FCRL4: variants seen among roughly 807,000 people sequenced by gnomAD.
FCRL4 encodes the protein Fc receptor-like protein 4.
FCRL4 carries 43 observed loss-of-function variants against 64.1 expected under a neutral mutation model. The ratio of observed to expected loss-of-function variants is 0.67; its 90% CI spans 0.53 to 0.87. FCRL4 has a LOEUF of 0.87. Ranked by LOEUF, FCRL4 falls within the 40% of genes least tolerant of loss-of-function variation. FCRL4 has a pLI of 0.00. For missense variants in FCRL4, 656 were observed against 613.5 expected (o/e 1.07, Z -0.73); for synonymous variants, 253 against 239.8 (o/e 1.05, Z -0.51).
In FCRL4 at chr1:157,575,401, G is replaced by T. The variant is rs1235746272; in HGVS notation, c.*123C>A. Reference sequence around the variant, plus strand: ...TTCCTGGGAGTGAATGCATATGCATGAGAAGAATTAGAAAGCTGGAATGAG... The same window carrying T: ...TTCCTGGGAGTGAATGCATATGCATTAGAAGAATTAGAAAGCTGGAATGAG... On this transcript the variant is annotated 3_prime_UTR_variant, in exon 12 of 12. Coordinates refer to ENST00000271532, the MANE Select transcript of FCRL4 (RefSeq NM_031282.3). 1.4e-6 allele frequency: 1 copy of T among 716,804 alleles called. No individual in the cohort carries two copies. The highest frequency in any genetic ancestry group is 3.9e-4 in the Middle Eastern group (1 of 2,592). The allele number at this position is 716,804 out of a possible 1,614,324, so 44.4% of individuals were successfully genotyped here.
chr1:157,581,784 G>T, intron 6 of FCRL4, 140 bp from the exon 7 acceptor site: 1 of 641,660 alleles, frequency 1.6e-6, no homozygotes, highest in Non-Finnish European at 2.6e-6. Context: ...TCTTGGGCCA[G>T]GTTTTGGCCA....
Position 157,574,301 on chromosome 1 carries a change from G to A in FCRL4, c.*1223C>T. The stretch of plus-strand genomic sequence containing the variant: ...GTTTTGCTGGTTGCAATCCCATAAT[G>A]TTATTTAAACAAATTCCTTTTCTCC... On this transcript the variant is annotated 3_prime_UTR_variant, in exon 12 of 12. Coordinates refer to ENST00000271532, the MANE Select transcript of FCRL4 (RefSeq NM_031282.3). 1 of 215,600 alleles carries A rather than the reference G, an allele frequency of 4.6e-6. No individual in the cohort carries two copies. 13.4% of individuals were successfully genotyped at this position (215,600 alleles called of 1,614,324 possible). A position where few individuals can be genotyped will look rare whatever the true frequency, so the allele number is the denominator to read the frequency against.
chr1:157,578,938 AAG>A, intron 8 of FCRL4, 86 bp from the exon 9 acceptor site: 2 of 1,137,720 alleles, frequency 1.8e-6, no homozygotes, highest in Non-Finnish European at 2.5e-6. Flanking sequence ...GCAGAGGAGA[AAG>A]AGGATTTGGA....
intron 5 of FCRL4, 127 bp downstream of exon 5, chr1:157,587,149 A>C: frequency 9.8e-7 from 1 of 1,015,686 alleles, no homozygotes; most frequent in Non-Finnish European, 1.5e-6. Flanking sequence ...ATAGTACTGC[A>C]CTTCTTGGCC....
intron 6 of FCRL4, 65 bp from the exon 7 acceptor site, chr1:157,581,709 C>T (rs933944496): frequency 1.1e-4 from 149 of 1,318,724 alleles, no homozygotes; most frequent in Admixed American, 2.1e-4. Flanking sequence ...GCCTTTTCCT[C>T]AGCTTGGTTG....
At position 157,587,054 on chromosome 1, in the gene FCRL4, G is replaced by C. The variant is rs531870015; in HGVS notation, c.847+222C>G. On this transcript the variant is annotated intron_variant, in intron 5 of 11. Transcript: ENST00000271532. ...TCAAACCTAACTCCATGAGTCAGCT[G>C]TGATTCTGAAGTGATAGAATTTCAA... Among the ~76,000 whole-genome samples, 44 of 152,356 alleles carry C rather than the reference G, an allele frequency of 2.9e-4. No individual in the cohort carries two copies. In the South Asian group the frequency reaches 8.9e-3, roughly 31 times the overall value.
intron 6 of FCRL4, among the ~76,000 whole-genome samples, chr1:157,585,285 C>T (rs1301169860): frequency 6.7e-6 from 1 of 149,510 alleles, no homozygotes; most frequent in Non-Finnish European, 1.5e-5. Flanking sequence ...CCTTCCTTTC[C>T]CTCTTTCTTT....
At chr1:157,579,464 C>T (rs1652498738) in intron 8 of FCRL4, among the ~76,000 whole-genome samples, 1 of 152,152 alleles carries the variant, frequency 6.6e-6, no homozygotes, top group African/African-American at 2.4e-5. Context: ...CACCTGTAAT[C>T]CCAGCACTTT....
intron 6 of FCRL4, 145 bp from the exon 7 acceptor site, chr1:157,581,789 T>G (rs1652568198): frequency 5.9e-4 from 370 of 626,928 alleles, no homozygotes; most frequent in East Asian, 9.8e-4. Flanking sequence ...GGCCAGGTTT[T>G]GGCCAGAAAA....
chr1:157,586,486 C>T (rs776855574), intron 5 of FCRL4, 31 bp from the exon 6 acceptor site: 26 of 1,577,740 alleles, frequency 1.6e-5, no homozygotes, highest in Admixed American at 1.2e-4. Flanking sequence ...AGGTGGGGGT[C>T]GGGTGTGAAG....
In FCRL4 at chr1:157,581,589, G is replaced by A; in HGVS notation, c.1191C>T (p.Leu397=). Residue 397 remains leucine (L), a synonymous_variant, in exon 7 of 12, where the codon CTC becomes CTT. Transcript: ENST00000271532. ...LVAAGATGGL[L]SALLLAVALL... Reference sequence around the variant, plus strand: ...GGGCCACAGCCAGGAGAAGAGCACTGAGCAGCCCTCCAGTGGCTCCCGCGG... The same window carrying A: ...GGGCCACAGCCAGGAGAAGAGCACTAAGCAGCCCTCCAGTGGCTCCCGCGG... 2 of 1,614,130 alleles carry A rather than the reference G, an allele frequency of 1.2e-6. No individual in the cohort carries two copies. Among genetic ancestry groups the A allele is most frequent in the East Asian group, 2.2e-5 (1 of 44,886 alleles).
chr1:157,587,428 T>C lies in FCRL4; in HGVS notation c.695A>G (p.Asp232Gly). 1 of 1,614,196 alleles carries C rather than the reference T, an allele frequency of 6.2e-7. No individual in the cohort carries two copies. Among genetic ancestry groups the C allele is most frequent in the South Asian group, 1.1e-5 (1 of 91,078 alleles). ...CCAGTCTGACAGGATGACCTCGCCA[T>C]CTCTGAAGAAGTTGAAGTGAAGTGG... is the stretch of plus-strand genomic sequence containing the variant. The part of the protein sequence containing the change: ...DTPLHFNFFR[D>G]GEVILSDWST... The change falls in exon 5 of 12, where the codon GAT becomes GGT. Residue 232 changes from aspartate to glycine, a missense_variant. Physicochemically the swap from Asp to Gly is moderately conservative, Grantham distance 94 (BLOSUM62 -1). Transcript: ENST00000271532.
intron 6 of FCRL4, among the ~76,000 whole-genome samples, chr1:157,584,711 A>G (rs1652635012): frequency 6.6e-6 from 1 of 152,062 alleles, no homozygotes; most frequent in African/African-American, 2.4e-5. Context: ...ACTTGCCTCA[A>G]GGGAGTTGAA....
chr1:157,578,753 T>C lies in FCRL4; in HGVS notation c.1360+17A>G, dbSNP rs750596872. 1 of 1,612,354 alleles carries C rather than the reference T, an allele frequency of 6.2e-7. No homozygotes were observed. The highest frequency in any genetic ancestry group is 1.1e-5 in the South Asian group (1 of 91,006). The stretch of plus-strand genomic sequence containing the variant: ...ATGGCTGAGGCCAGGAACAGCTTCC[T>C]AGAAGGGAATCCTCACCATCAACAT... On this transcript the variant is annotated intron_variant, in intron 9 of 11. Transcript: ENST00000271532.
intron 8 of FCRL4, among the ~76,000 whole-genome samples, 190 bp downstream of exon 8, chr1:157,580,131 T>G (rs971486557): frequency 6.6e-6 from 1 of 152,254 alleles, no homozygotes. Context: ...ATTTTGCATG[T>G]ATTGCAAACT....
chr1:157,586,127 T>A, intron 6 of FCRL4, 41 bp downstream of exon 6: 1 of 1,547,138 alleles, frequency 6.5e-7, no homozygotes, highest in Non-Finnish European at 8.8e-7. Flanking sequence ...TTTGAGGAAG[T>A]TTGCTGAGAA....
At chr1:157,590,878 G>T (rs1652824155) in intron 2 of FCRL4, among the ~76,000 whole-genome samples, 1 of 152,160 alleles carries the variant, frequency 6.6e-6, no homozygotes. Context: ...GGAATCAAGA[G>T]AACCTTTTTC....
At chr1:157,579,711 C>A (rs66888522) in intron 8 of FCRL4, among the ~76,000 whole-genome samples, 1 of 54,354 alleles carries the variant, frequency 1.8e-5, no homozygotes, top group African/African-American at 2.9e-4. Flanking sequence ...TACATACATA[C>A]ATACATACAT....
At position 157,596,459 on chromosome 1, in the gene FCRL4, G is replaced by A. The variant is rs139333587; in HGVS notation, c.32-111C>T. The A allele has an allele frequency of 1.2e-4, 143 of 1,195,844 alleles. 1 individual carries two copies. In the East Asian group the frequency reaches 3.1e-3, roughly 26 times the overall value. The allele number at this position is 1,195,844 out of a possible 1,614,324, so 74.1% of individuals were successfully genotyped here. A position where few individuals can be genotyped will look rare whatever the true frequency, so the allele number is the denominator to read the frequency against. ...TTCCAACCAAGAGGAAGAGAAACAC[G>A]TTCCATTCCATCCATCCCAGGGAAG... On this transcript the variant is annotated intron_variant, in intron 1 of 11. Coordinates refer to ENST00000271532, the MANE Select transcript of FCRL4 (RefSeq NM_031282.3).
Sources: gnomAD v4.1 joint callset for allele counts (sites outside exome capture counted in the v4.1 genomes callset) on GRCh38, gnomAD v4.1.1 for gene constraint, MANE v1.5 for transcripts, NCBI Gene and HGNC (gene_info 2026-07-23, HGNC 2026-07-21) for gene names.